The following ALK variants were observed in gnomAD, a reference collection of about 807,000 sequenced individuals.
The protein encoded by ALK is ALK tyrosine kinase receptor.
In ALK, 74 loss-of-function variants were observed where a neutral mutation model predicts 163.1. The observed-to-expected ratio is 0.45, with a 90% CI of 0.38 to 0.55. The LOEUF (loss-of-function observed/expected upper bound fraction) is 0.55. Among genes scored for constraint, ALK ranks in the 20% least tolerant of loss-of-function variants. The probability of loss-of-function intolerance (pLI) is 0.00; values close to 1 mark genes in which losing one functional copy is unlikely to be tolerated. For synonymous variants in ALK, 960 were observed against 843.2 expected (o/e 1.14, Z -2.40); for missense variants, 2,063 against 2,105.3 (o/e 0.98, Z 0.39).
In ALK at chr2:29,383,939, G is replaced by A. The variant is rs1387759157; in HGVS notation, c.1155-80C>T. On this transcript the variant is annotated intron_variant, in intron 4 of 28. Coordinates refer to ENST00000389048, the MANE Select transcript of ALK (RefSeq NM_004304.5). Reference sequence around the variant, plus strand: ...AGGCCTAACATGTGGACAGGGTCATGTCCTTGCAGGGACTTCAGGACTCAC... The same window carrying A: ...AGGCCTAACATGTGGACAGGGTCATATCCTTGCAGGGACTTCAGGACTCAC... 9 of 1,576,226 alleles carry A rather than the reference G, an allele frequency of 5.7e-6. No individual in the cohort carries two copies. The East Asian group carries it at 1.3e-4, about 24-fold the overall frequency.
intron 5 of ALK, among the ~76,000 whole-genome samples, chr2:29,370,257 C>T (rs968516138): frequency 6.6e-6 from 1 of 152,224 alleles, no homozygotes; most frequent in Admixed American, 6.5e-5. Flanking sequence ...TCCTGGATCT[C>T]TGGGTAGTGG....
intron 4 of ALK, among the ~76,000 whole-genome samples, chr2:29,418,568 A>G (rs1669938020): frequency 6.6e-6 from 1 of 152,096 alleles, no homozygotes; most frequent in Admixed American, 6.5e-5. Context: ...GGGGTCTCCA[A>G]TGTCTATTAT....
chr2:29,696,932 A>T (rs938278291), intron 2 of ALK, among the ~76,000 whole-genome samples: 8 of 151,432 alleles, frequency 5.3e-5, no homozygotes, highest in Admixed American at 3.9e-4. Flanking sequence ...CCCTAAAAAA[A>T]AAAATAAAAT....
intron 4 of ALK, among the ~76,000 whole-genome samples, chr2:29,443,647 G>A (rs540912136): frequency 3.9e-5 from 6 of 152,304 alleles, no homozygotes; most frequent in Admixed American, 6.5e-5. Context: ...AGGCCCTCAG[G>A]ATGGTTGGAA....
At chr2:29,764,173 C>T (rs1293981426) in intron 1 of ALK, among the ~76,000 whole-genome samples, 3 of 152,206 alleles carry the variant, frequency 2.0e-5, no homozygotes, top group Non-Finnish European at 4.4e-5. Flanking sequence ...AGGACCATGG[C>T]ATTCATTACA....
chr2:29,364,192 C>T lies in ALK; in HGVS notation c.1282+19540G>A, dbSNP rs376745851. 1.2e-3 allele frequency among the ~76,000 whole-genome samples: 183 copies of T among 152,302 alleles called. 1 individual carries two copies. The highest frequency in any genetic ancestry group is 0.011 in the South Asian group (53 of 4,820). The stretch of plus-strand genomic sequence containing the variant: ...GTCTAAGACAGCCACCCAAGTTCTA[C>T]GGCAGATACCTGGTGTTTTCAGACC... On this transcript the variant is annotated intron_variant, in intron 5 of 28. Transcript: ENST00000389048.
At chr2:29,455,436 G>T (rs1041880809) in intron 4 of ALK, among the ~76,000 whole-genome samples, 2 of 152,148 alleles carry the variant, frequency 1.3e-5, no homozygotes, top group Admixed American at 1.3e-4. Flanking sequence ...GTGTGCGGGG[G>T]ACAGAAATGG....
intron 1 of ALK, among the ~76,000 whole-genome samples, chr2:29,735,578 C>T (rs532947030): frequency 1.3e-5 from 2 of 151,932 alleles, no homozygotes; most frequent in Non-Finnish European, 2.9e-5. Flanking sequence ...ATGGTTTGAC[C>T]GTGTCCCCAC....
intron 4 of ALK, among the ~76,000 whole-genome samples, chr2:29,498,680 C>T (rs935732386): frequency 2.6e-5 from 4 of 152,148 alleles, no homozygotes; most frequent in Non-Finnish European, 5.9e-5. Flanking sequence ...CATTTGTCTG[C>T]CAAGAGCAGA....
intron 2 of ALK, among the ~76,000 whole-genome samples, chr2:29,702,026 G>T (rs556724787): frequency 1.3e-5 from 2 of 152,026 alleles, no homozygotes; most frequent in Non-Finnish European, 2.9e-5. Flanking sequence ...CAGTGAGGCA[G>T]GAAACAGTGT....
intron 1 of ALK, among the ~76,000 whole-genome samples, chr2:29,891,688 C>T (rs1269315520): frequency 1.3e-5 from 2 of 152,174 alleles, no homozygotes; most frequent in Non-Finnish European, 2.9e-5. Context: ...TTAATATTCA[C>T]ATCCAACTGC....
At chr2:29,451,854 C>T (rs535467454) in intron 4 of ALK, among the ~76,000 whole-genome samples, 36 of 152,176 alleles carry the variant, frequency 2.4e-4, no homozygotes, top group Non-Finnish European at 4.0e-4. Flanking sequence ...CACGCAGCCA[C>T]GCTGTCCAGT....
chr2:29,347,264 C>T (rs542827783), intron 5 of ALK, among the ~76,000 whole-genome samples: 2 of 152,286 alleles, frequency 1.3e-5, no homozygotes, highest in South Asian at 4.1e-4. Flanking sequence ...CTGGCCCTGC[C>T]TGAGGAGAGA....
chr2:29,796,186 C>T (rs1186226738), intron 1 of ALK, among the ~76,000 whole-genome samples: 1 of 152,150 alleles, frequency 6.6e-6, no homozygotes, highest in East Asian at 1.9e-4. Context: ...GGAAGAGCTC[C>T]TGGAACCATC....
intron 3 of ALK, among the ~76,000 whole-genome samples, chr2:29,670,911 GTTATC>G (rs2148270051): frequency 1.3e-5 from 2 of 151,996 alleles, no homozygotes; most frequent in African/African-American, 4.8e-5. Flanking sequence ...GCTTTTCTGT[GTTATC>G]TTGGAGATCA....
intron 3 of ALK, among the ~76,000 whole-genome samples, chr2:29,583,523 C>T (rs1674786536): frequency 7.8e-6 from 1 of 128,330 alleles, no homozygotes; most frequent in African/African-American, 2.6e-5. Context: ...CATCCTCATT[C>T]TAATTCCAAC....
chr2:29,372,458 G>A (rs74855232), intron 5 of ALK, among the ~76,000 whole-genome samples: 1,729 of 152,272 alleles, frequency 0.011, 43 homozygotes, highest in African/African-American at 0.04. Context: ...ATGAAGAGCC[G>A]CCAAGGCCAC....
At chr2:29,597,685 T>C (rs72780266) in intron 3 of ALK, among the ~76,000 whole-genome samples, 302 of 152,328 alleles carry the variant, frequency 2.0e-3, no homozygotes, top group Non-Finnish European at 2.9e-3. Context: ...ACCTTAGCCA[T>C]GATTTTAATA....
intron 4 of ALK, among the ~76,000 whole-genome samples, chr2:29,479,049 A>G (rs560500095): frequency 6.6e-6 from 1 of 152,212 alleles, no homozygotes; most frequent in Non-Finnish European, 1.5e-5. Context: ...CTAGACTGGT[A>G]TGAAAGAAAG....
Sources: allele counts gnomAD v4.1 joint callset (sites outside exome capture counted in the v4.1 genomes callset), GRCh38; gene constraint gnomAD v4.1.1; transcripts MANE v1.5; gene names NCBI Gene and HGNC (gene_info 2026-07-23, HGNC 2026-07-21).